MAML3: variants seen among roughly 807,000 people sequenced by gnomAD.
The protein encoded by MAML3 is mastermind like transcriptional coactivator 3.
Under a neutral mutation model 101.9 loss-of-function variants are expected in MAML3, and 27 were observed. The ratio of observed to expected loss-of-function variants is 0.27; its 90% CI spans 0.20 to 0.37. The LOEUF is 0.37. MAML3 is among the 10% of genes least tolerant of loss of function. The pLI is 1.00. For missense variants in MAML3, 1,316 were observed against 1,444.9 expected, an observed-to-expected ratio of 0.91 and a Z score of 1.45; for synonymous variants, 501 against 555.9, an observed-to-expected ratio of 0.90 and a Z score of 1.39.
intron 2 of MAML3, among the ~76,000 whole-genome samples, chr4:139,800,300 G>A (rs143835891): frequency 6.6e-5 from 10 of 152,244 alleles, no homozygotes; most frequent in East Asian, 5.8e-4. Flanking sequence ...TACCTGTCCC[G>A]TCTTCCTTAA....
Position 139,832,094 on chromosome 4 carries a change from C to CTTT in MAML3, c.2079+57260_2079+57262dup, listed in dbSNP as rs70943444. On this transcript the variant is annotated intron_variant, in intron 2 of 4. Coordinates refer to ENST00000509479, the MANE Select transcript of MAML3 (RefSeq NM_018717.5). ...AGGCGTGAGCCATCATGCCCAGCCCCTTTTTTTTTTTTTTTTTTTTTTTTT... is the reference window on the plus strand; with the variant it reads ...AGGCGTGAGCCATCATGCCCAGCCCCTTTTTTTTTTTTTTTTTTTTTTTTTTTT... Among the ~76,000 whole-genome samples the CTTT allele has an allele frequency of 3.6e-4, 23 of 64,702 alleles. 2 individuals carry two copies. Among genetic ancestry groups the CTTT allele is most frequent in the Non-Finnish European group, 4.7e-4 (14 of 29,894 alleles). 42.4% of individuals were successfully genotyped at this position (64,702 alleles called of 152,430 possible). A position where few individuals can be genotyped will look rare whatever the true frequency, so the allele number is the denominator to read the frequency against.
chr4:140,129,591 G>A (rs1310472113), intron 1 of MAML3, among the ~76,000 whole-genome samples: 2 of 152,120 alleles, frequency 1.3e-5, no homozygotes, highest in Admixed American at 1.3e-4. Context: ...GTGTAGAAAC[G>A]AAAGGAAGAA....
Position 140,154,148 on chromosome 4 carries a change from T to A in MAML3, c.-821A>T. 1 of 170,638 alleles carries A rather than the reference T, an allele frequency of 5.9e-6. No individual in the cohort carries two copies. Among genetic ancestry groups the A allele is most frequent in the South Asian group, 1.2e-4 (1 of 8,516 alleles). The allele number at this position is 170,638 out of a possible 1,614,324, so 10.6% of individuals were successfully genotyped here. ...CGCCGCCTCCTCCTCCTCCTCTCGC[T>A]CCTCCACCTCCTCCTCCTCCTCCAT... On this transcript the variant is annotated 5_prime_UTR_variant, in exon 1 of 5. Transcript: ENST00000509479.
intron 2 of MAML3, among the ~76,000 whole-genome samples, chr4:139,790,404 C>A (rs1179404536): frequency 6.6e-6 from 1 of 151,086 alleles, no homozygotes; most frequent in African/African-American, 2.4e-5. Flanking sequence ...ACATACATAA[C>A]ATAGGTACTA....
At chr4:140,029,676 G>A (rs970267765) in intron 1 of MAML3, among the ~76,000 whole-genome samples, 4 of 152,048 alleles carry the variant, frequency 2.6e-5, no homozygotes, top group South Asian at 2.1e-4. Flanking sequence ...TCAATTTTAT[G>A]TGTCTTCTAA....
At chr4:140,060,023 C>A (rs989137053) in intron 1 of MAML3, among the ~76,000 whole-genome samples, 1 of 151,884 alleles carries the variant, frequency 6.6e-6, no homozygotes, top group African/African-American at 2.4e-5. Flanking sequence ...AAAAGTTTAG[C>A]TGGGGTTTGC....
intron 1 of MAML3, among the ~76,000 whole-genome samples, chr4:140,086,078 A>C (rs1727946542): frequency 6.6e-6 from 1 of 152,186 alleles, no homozygotes; most frequent in South Asian, 2.1e-4. Context: ...AGTCTTTTCT[A>C]ATCTAAGAAA....
chr4:140,150,809 C>T (rs1013049509), intron 1 of MAML3, among the ~76,000 whole-genome samples: 1 of 152,144 alleles, frequency 6.6e-6, no homozygotes. Context: ...GAGCTACAGT[C>T]GAGATGCGGG....
In MAML3 at chr4:139,812,972, T is replaced by TAAA. The variant is rs36096630; in HGVS notation, c.2079+76382_2079+76384dup. Among the ~76,000 whole-genome samples the TAAA allele has an allele frequency of 1.1e-3, 142 of 128,244 alleles. 2 individuals are homozygous for TAAA. In the East Asian group the frequency reaches 0.012, roughly 11 times the overall value. 84.1% of individuals were successfully genotyped at this position (128,244 alleles called of 152,430 possible). A position where few individuals can be genotyped will look rare whatever the true frequency, so the allele number is the denominator to read the frequency against. On this transcript the variant is annotated intron_variant, in intron 2 of 4. Transcript: ENST00000509479. ...AATCTCTAATATATTCTCAGAAATG[T>TAAA]AAAAAAAAAAAAAAAAGGGGAGAAC...
chr4:140,091,354 C>A (rs552315277), intron 1 of MAML3, among the ~76,000 whole-genome samples: 1 of 152,060 alleles, frequency 6.6e-6, no homozygotes. Context: ...CAGTTAGGGT[C>A]TACCTTTTCT....
intron 1 of MAML3, among the ~76,000 whole-genome samples, chr4:139,946,420 T>C (rs1339226381): frequency 1.3e-5 from 2 of 152,178 alleles, no homozygotes; most frequent in Non-Finnish European, 2.9e-5. Flanking sequence ...ATAACGAGCC[T>C]GACAATGTGA....
chr4:139,894,464 C>T (rs1028718293), intron 1 of MAML3, among the ~76,000 whole-genome samples: 1 of 150,642 alleles, frequency 6.6e-6, no homozygotes, highest in Non-Finnish European at 1.5e-5. Flanking sequence ...GAGCTGAGAT[C>T]GTGCCACTGC....
At chr4:139,933,999 GTGAA>G (rs113161928) in intron 1 of MAML3, among the ~76,000 whole-genome samples, 8 of 152,268 alleles carry the variant, frequency 5.3e-5, no homozygotes, top group African/African-American at 1.9e-4. Flanking sequence ...GTGACTATAT[GTGAA>G]TGAGTATGTG....
chr4:139,789,212 T>C (rs1248129731), intron 2 of MAML3, among the ~76,000 whole-genome samples: 1 of 152,138 alleles, frequency 6.6e-6, no homozygotes, highest in African/African-American at 2.4e-5. Context: ...GTTTTTCCCT[T>C]AAAGGAGATT....
At chr4:139,842,733 G>A (rs1419033184) in intron 2 of MAML3, among the ~76,000 whole-genome samples, 15 of 122,758 alleles carry the variant, frequency 1.2e-4, no homozygotes, top group African/African-American at 4.1e-4. Flanking sequence ...GGTCAGGCTC[G>A]AACTCCTGGC....
At chr4:139,971,819 A>G (rs1440308434) in intron 1 of MAML3, among the ~76,000 whole-genome samples, 18 of 152,274 alleles carry the variant, frequency 1.2e-4, no homozygotes, top group Admixed American at 9.2e-4. Flanking sequence ...CACCTTAAAA[A>G]AAATCACAGT....
At chr4:140,067,089 C>A (rs1727549287) in intron 1 of MAML3, among the ~76,000 whole-genome samples, 1 of 152,096 alleles carries the variant, frequency 6.6e-6, no homozygotes, top group East Asian at 1.9e-4. Flanking sequence ...AATATTAAAG[C>A]TTTCTGGAAT....
chr4:140,139,217 G>A (rs1728944324), intron 1 of MAML3, among the ~76,000 whole-genome samples: 1 of 152,168 alleles, frequency 6.6e-6, no homozygotes, highest in African/African-American at 2.4e-5. Flanking sequence ...AGGCTGCAGT[G>A]AGCTAAGATG....
At chr4:140,151,698 G>C (rs1011549515) in intron 1 of MAML3, among the ~76,000 whole-genome samples, 80 of 128,148 alleles carry the variant, frequency 6.2e-4, no homozygotes, top group African/African-American at 2.0e-3. Flanking sequence ...TGCGGGGGGG[G>C]GGGGCACACA....
Sources: gnomAD v4.1 joint callset for allele counts (sites outside exome capture counted in the v4.1 genomes callset) on GRCh38, gnomAD v4.1.1 for gene constraint, MANE v1.5 for transcripts, NCBI Gene and HGNC (gene_info 2026-07-23, HGNC 2026-07-21) for gene names.